The following CCND3 variants were observed in gnomAD, a reference collection of about 807,000 sequenced individuals.
CCND3 encodes cyclin D3.
A neutral mutation model predicts 28.7 loss-of-function variants in CCND3; 9 were observed. That is an observed-to-expected ratio of 0.31 (90% CI 0.19 to 0.55). The LOEUF is 0.55. Ranked by LOEUF, CCND3 falls within the 20% of genes least tolerant of loss-of-function variation. The pLI is 0.93. For missense variants in CCND3, 315 were observed against 385.8 expected (o/e 0.82, Z 1.54); for synonymous variants, 164 against 163.9 (o/e 1.00, Z 0.00).
At chr6:42,015,341 C>G (rs1322166159) in intron 1 of CCND3, among the ~76,000 whole-genome samples, 2 of 152,092 alleles carry the variant, frequency 1.3e-5, no homozygotes, top group East Asian at 3.8e-4. Flanking sequence ...TGAATGAGGA[C>G]TATGTGACAA....
chr6:42,034,147 C>CT (rs529799896), intron 1 of CCND3, among the ~76,000 whole-genome samples: 6,256 of 137,584 alleles, frequency 0.045, 222 homozygotes, highest in South Asian at 0.083. Flanking sequence ...AAGACCCTGT[C>CT]TTTTTTTTTT....
At chr6:42,002,454 CTATG>C (rs1763039176) in intron 1 of CCND3, among the ~76,000 whole-genome samples, 1 of 120,604 alleles carries the variant, frequency 8.3e-6, no homozygotes, top group Admixed American at 8.4e-5. Context: ...AAAAAAAAAA[CTATG>C]TATTTATTTT....
chr6:41,992,657 C>T (rs1050687558), intron 1 of CCND3, among the ~76,000 whole-genome samples: 3 of 152,036 alleles, frequency 2.0e-5, no homozygotes, highest in African/African-American at 7.2e-5. Flanking sequence ...CCATGTTGGC[C>T]AGGCTGGTCT....
chr6:42,015,401 A>C (rs1763470979), intron 1 of CCND3, among the ~76,000 whole-genome samples: 2 of 152,142 alleles, frequency 1.3e-5, no homozygotes, highest in African/African-American at 4.8e-5. Flanking sequence ...CCCTTGCAAA[A>C]AAATATTTTA....
chr6:42,049,425 A>C (rs1764661565), upstream of CCND3, among the ~76,000 whole-genome samples: 1 of 152,212 alleles, frequency 6.6e-6, no homozygotes, highest in Admixed American at 6.5e-5. Context: ...CAGAAGAGGA[A>C]ACTGAGACAC....
intron 1 of CCND3, among the ~76,000 whole-genome samples, chr6:41,982,044 C>CGG (rs1762362836): frequency 1.3e-5 from 2 of 151,130 alleles, no homozygotes; most frequent in South Asian, 4.2e-4. Context: ...CTGAGGCGGG[C>CGG]AGATCACCTG....
intron 1 of CCND3, among the ~76,000 whole-genome samples, chr6:42,009,710 G>A (rs1337197570): frequency 2.6e-5 from 4 of 152,216 alleles, no homozygotes; most frequent in African/African-American, 7.2e-5. Context: ...GGGAGGCTAA[G>A]GTGGGCAGAT....
intron 1 of CCND3, among the ~76,000 whole-genome samples, chr6:41,948,060 T>C (rs1776214018): frequency 6.6e-6 from 1 of 152,158 alleles, no homozygotes; most frequent in South Asian, 2.1e-4. Context: ...CCTCCGGATA[T>C]CCACATGGCC....
chr6:41,948,390 C>G (rs1463686291), intron 1 of CCND3, among the ~76,000 whole-genome samples: 2 of 151,096 alleles, frequency 1.3e-5, no homozygotes, highest in African/African-American at 2.4e-5. Context: ...AGGCTGGAAG[C>G]AGTGGCATGA....
At chr6:41,977,389 C>G (rs1214741119) in intron 1 of CCND3, among the ~76,000 whole-genome samples, 1 of 152,070 alleles carries the variant, frequency 6.6e-6, no homozygotes, top group African/African-American at 2.4e-5. Flanking sequence ...TTTTTTGAGA[C>G]AGAGTCTGGC....
chr6:41,956,579 AAAG>A (rs1436630768), intron 1 of CCND3, among the ~76,000 whole-genome samples: 34 of 152,330 alleles, frequency 2.2e-4, no homozygotes, highest in African/African-American at 7.9e-4. Context: ...CCTTTACAGC[AAAG>A]AAGAATGGAT....
chr6:42,002,003 T>C (rs1763024943), intron 1 of CCND3, among the ~76,000 whole-genome samples: 1 of 150,906 alleles, frequency 6.6e-6, no homozygotes, highest in Admixed American at 6.7e-5. Flanking sequence ...TAATTCCAGC[T>C]AGTTGGGAGG....
intron 1 of CCND3, among the ~76,000 whole-genome samples, chr6:42,030,627 T>C (rs1376356854): frequency 1.3e-5 from 2 of 152,186 alleles, no homozygotes; most frequent in Non-Finnish European, 2.9e-5. Context: ...CTGCCTCGCC[T>C]TCCCCAGACT....
chr6:42,044,517 G>T (rs539812825), intron 1 of CCND3, among the ~76,000 whole-genome samples: 1 of 152,320 alleles, frequency 6.6e-6, no homozygotes, highest in South Asian at 2.1e-4. Flanking sequence ...CTTTGAGGTC[G>T]TCTTGCTGGC....
In CCND3 at chr6:41,936,951, A is replaced by G. The variant is rs1775820678; in HGVS notation, c.575-256T>C. 1 of 593,076 alleles carries G rather than the reference A, an allele frequency of 1.7e-6. No individual in the cohort carries two copies. The highest frequency in any genetic ancestry group is 3.0e-6 in the Non-Finnish European group (1 of 335,580). 36.7% of individuals were successfully genotyped at this position (593,076 alleles called of 1,614,324 possible). On this transcript the variant is annotated intron_variant, in intron 3 of 4. Coordinates refer to ENST00000372991, the MANE Select transcript of CCND3 (RefSeq NM_001760.5). This position sits in a 1 kb window ranked among gnomAD's most constrained non-coding sequence, Gnocchi z 4.4. ...AGACACTCCCTAGTATGGGAACACA[A>G]CTAGGGCCAAGAGACTGGGGTTCTG...
intron 1 of CCND3, among the ~76,000 whole-genome samples, chr6:41,972,071 C>CA (rs1034569623): frequency 3.3e-5 from 5 of 149,464 alleles, no homozygotes; most frequent in African/African-American, 9.8e-5. Flanking sequence ...TAAAAAAATA[C>CA]AAAAAAATTA....
chr6:41,947,721 C>T (rs980358894), intron 1 of CCND3, among the ~76,000 whole-genome samples: 1 of 152,166 alleles, frequency 6.6e-6, no homozygotes, highest in Admixed American at 6.5e-5. Flanking sequence ...GTTGATTCTA[C>T]GTCAAAAATA....
intron 1 of CCND3, among the ~76,000 whole-genome samples, chr6:42,016,146 G>T (rs1224175168): frequency 2.6e-5 from 4 of 151,978 alleles, no homozygotes; most frequent in Admixed American, 6.6e-5. Context: ...TGTTGACCTG[G>T]CTGGTCTTGA....
chr6:42,000,234 C>CGTTTTTTTTTTT lies in CCND3; in HGVS notation c.-46+48266_-46+48267insAAAAAAAAAAAC, dbSNP rs1762951898. Among the ~76,000 whole-genome samples the CGTTTTTTTTTTT allele has an allele frequency of 7.6e-4, 39 of 51,028 alleles. 2 individuals are homozygous for CGTTTTTTTTTTT. The highest frequency in any genetic ancestry group is 1.1e-3 in the South Asian group (1 of 918). The allele number at this position is 51,028 out of a possible 152,430, so 33.5% of individuals were successfully genotyped here. ...AGTCTCGTGGAAATTTGAAAACATA[C>CGTTTTTTTTTTT]TTTTTTTTTTTTTTTTTTTTTTTTT... On this transcript the variant is annotated intron_variant, in intron 1 of 4. Transcript: ENST00000372988.
Sources: gnomAD v4.1 joint callset for allele counts (sites outside exome capture counted in the v4.1 genomes callset) on GRCh38, gnomAD v4.1.1 for gene constraint, Gnocchi (gnomAD v3.1) non-coding constraint, MANE v1.5 for transcripts, NCBI Gene and HGNC (gene_info 2026-07-23, HGNC 2026-07-21) for gene names.